TMEM132B: variants seen among roughly 807,000 people sequenced by gnomAD.
TMEM132B encodes transmembrane protein 132B.
In TMEM132B, 18 loss-of-function variants were observed where a neutral mutation model predicts 90.8. That is an observed-to-expected ratio of 0.20 (90% CI 0.14 to 0.29). The LOEUF (loss-of-function observed/expected upper bound fraction) is 0.29. Among genes scored for constraint, TMEM132B ranks in the 10% least tolerant of loss-of-function variants. The pLI is 1.00. For synonymous variants in TMEM132B, 504 were observed against 523.3 expected, an observed-to-expected ratio of 0.96 and a Z score of 0.50; for missense variants, 1,096 against 1,326.8, an observed-to-expected ratio of 0.83 and a Z score of 2.70.
At position 125,535,515 on chromosome 12, in the gene TMEM132B, T is replaced by G. The variant is rs540329732; in HGVS notation, c.1293+15890T>G. 2.0e-5 allele frequency among the ~76,000 whole-genome samples: 3 copies of G among 152,302 alleles called. No homozygotes were observed. The South Asian group carries it at 6.2e-4, about 32-fold the overall frequency. On this transcript the variant is annotated intron_variant, in intron 4 of 8. Transcript: ENST00000682704. ...TTGCCATCGGGGATTTCAGGAAAGC[T>G]TTTTTGCCAGGAACACAATTCTCCT...
intron 3 of TMEM132B, among the ~76,000 whole-genome samples, chr12:125,508,275 T>G (rs1376807271): frequency 6.6e-6 from 1 of 152,194 alleles, no homozygotes; most frequent in Non-Finnish European, 1.5e-5. Flanking sequence ...TCTTCTGATC[T>G]AGTGTTCTGC....
At chr12:125,546,774 T>C (rs1884103456) in intron 4 of TMEM132B, among the ~76,000 whole-genome samples, 1 of 152,220 alleles carries the variant, frequency 6.6e-6, no homozygotes, top group Admixed American at 6.5e-5. Flanking sequence ...AGTTTTTATT[T>C]CTCTTGGGTA....
chr12:125,266,733 A>C (rs1874705618), intron 1 of TMEM132B, among the ~76,000 whole-genome samples: 1 of 152,250 alleles, frequency 6.6e-6, no homozygotes, highest in African/African-American at 2.4e-5. Context: ...TGAAAGTATT[A>C]GATATTTGGA....
chr12:125,391,911 C>A (rs147593400), intron 2 of TMEM132B, among the ~76,000 whole-genome samples: 1 of 152,010 alleles, frequency 6.6e-6, no homozygotes, highest in Non-Finnish European at 1.5e-5. Flanking sequence ...GGACTACAGG[C>A]ACACACCACC....
At chr12:125,629,478 A>G (rs1009951358) in intron 5 of TMEM132B, among the ~76,000 whole-genome samples, 4 of 152,038 alleles carry the variant, frequency 2.6e-5, no homozygotes, top group African/African-American at 4.8e-5. Flanking sequence ...TGATTTTTGT[A>G]TGTTGATTTT....
chr12:125,346,375 C>T (rs1020097280), intron 1 of TMEM132B, among the ~76,000 whole-genome samples: 4 of 152,182 alleles, frequency 2.6e-5, no homozygotes, highest in Non-Finnish European at 5.9e-5. Flanking sequence ...TGTTGGACTT[C>T]CCCTAAATTT....
rs562607372 is a variant in TMEM132B, at chr12:125,324,937, C to T, written c.68-24515C>T. On this transcript the variant is annotated intron_variant, in intron 1 of 8. Transcript: ENST00000682704. ...TTGGGGGAAAACAGTCCAACTTCAA[C>T]GGGGCTCAAACAAAACTCCTTTGGG... is the stretch of plus-strand genomic sequence containing the variant. Among the ~76,000 whole-genome samples the T allele has an allele frequency of 8.5e-5, 13 of 152,244 alleles. No homozygotes were observed. The South Asian group carries it at 2.5e-3, about 29-fold the overall frequency.
chr12:125,625,037 A>G (rs1268535413), intron 5 of TMEM132B, among the ~76,000 whole-genome samples: 2 of 151,668 alleles, frequency 1.3e-5, no homozygotes, highest in Non-Finnish European at 2.9e-5. Context: ...ACCTCTCTCA[A>G]CCACTGATTC....
chr12:125,329,062 G>GT (rs1876684032), intron 1 of TMEM132B, among the ~76,000 whole-genome samples: 1 of 152,182 alleles, frequency 6.6e-6, no homozygotes, highest in African/African-American at 2.4e-5. Flanking sequence ...CAATGTGATG[G>GT]TATCAGGAGG....
chr12:125,529,045 C>T (rs1231562446), intron 4 of TMEM132B, among the ~76,000 whole-genome samples: 3 of 148,494 alleles, frequency 2.0e-5, no homozygotes, highest in Non-Finnish European at 4.5e-5. Context: ...CCTCCTCCTT[C>T]TTCCTTTTTC....
At position 125,323,554 on chromosome 12, in the gene TMEM132B, G is replaced by C. The variant is rs1372229657; in HGVS notation, c.68-25898G>C. Among the ~76,000 whole-genome samples, 6 of 152,068 alleles carry C rather than the reference G, an allele frequency of 3.9e-5. No individual in the cohort carries two copies. In the East Asian group the frequency reaches 1.2e-3, roughly 29 times the overall value. ...GTTTTTTGAGACAGGGTCTCTCTTG[G>C]TCACCCAAGGCTGGAGTGCAGTGGC... On this transcript the variant is annotated intron_variant, in intron 1 of 8. Coordinates refer to ENST00000682704, the MANE Select transcript of TMEM132B (RefSeq NM_001366854.1).
intron 2 of TMEM132B, among the ~76,000 whole-genome samples, chr12:125,401,217 A>G (rs974944603): frequency 1.3e-5 from 2 of 152,226 alleles, no homozygotes; most frequent in Non-Finnish European, 2.9e-5. Context: ...AAGACCCTTC[A>G]TTCGACCAAT....
intron 2 of TMEM132B, among the ~76,000 whole-genome samples, chr12:125,360,856 AT>A (rs1002872117): frequency 3.0e-4 from 46 of 151,944 alleles, no homozygotes; most frequent in African/African-American, 9.9e-4. Flanking sequence ...TTTCTGAGTG[AT>A]TAGAATCAAT....
intron 1 of TMEM132B, among the ~76,000 whole-genome samples, chr12:125,327,931 T>A (rs1157772697): frequency 6.6e-6 from 1 of 152,206 alleles, no homozygotes; most frequent in East Asian, 1.9e-4. Context: ...ATTTTGATTT[T>A]GGCACCGGGG....
chr12:125,270,221 C>T (rs1046923784), intron 1 of TMEM132B, among the ~76,000 whole-genome samples: 5 of 151,670 alleles, frequency 3.3e-5, no homozygotes, highest in East Asian at 1.9e-4. Context: ...ACTGCAGCCT[C>T]GAACTCCTAC....
chr12:125,448,249 CA>C (rs956442701), intron 3 of TMEM132B, among the ~76,000 whole-genome samples: 4,095 of 139,982 alleles, frequency 0.029, 95 homozygotes, highest in African/African-American at 0.071. Context: ...AACTCTGTCT[CA>C]AAAAAAAAAA....
intron 1 of TMEM132B, among the ~76,000 whole-genome samples, chr12:125,231,237 G>GTATA (rs367938574): frequency 2.0e-5 from 3 of 148,604 alleles, no homozygotes; most frequent in African/African-American, 7.6e-5. Flanking sequence ...GTGTGTGTGT[G>GTATA]TATATCTGTG....
At position 125,408,247 on chromosome 12, in the gene TMEM132B, C is replaced by T. The variant is rs1325708874; in HGVS notation, c.960-7284C>T. ...TATAGTGTTCCACTGTGAGATGTTA[C>T]GCTTTACCAGTTCCGTTGTCAATGG... On this transcript the variant is annotated intron_variant, in intron 2 of 8. Coordinates refer to ENST00000682704, the MANE Select transcript of TMEM132B (RefSeq NM_001366854.1). This position sits in a 1 kb window ranked among gnomAD's most constrained non-coding sequence, Gnocchi z 5.9. Among the ~76,000 whole-genome samples, 6 of 152,182 alleles carry T rather than the reference C, an allele frequency of 3.9e-5. No individual in the cohort carries two copies. The highest frequency in any genetic ancestry group is 1.2e-4 in the African/African-American group (5 of 41,430).
chr12:125,320,673 G>A (rs1876404909), intron 1 of TMEM132B, among the ~76,000 whole-genome samples: 2 of 152,086 alleles, frequency 1.3e-5, no homozygotes, highest in African/African-American at 4.8e-5. Flanking sequence ...GTCTTTGGCC[G>A]ACTTAAATGG....
Sources: gnomAD v4.1 joint callset for allele counts (sites outside exome capture counted in the v4.1 genomes callset) on GRCh38, gnomAD v4.1.1 for gene constraint, Gnocchi (gnomAD v3.1) non-coding constraint, MANE v1.5 for transcripts, NCBI Gene and HGNC (gene_info 2026-07-23, HGNC 2026-07-21) for gene names.